PDE11A: variants seen among roughly 807,000 people sequenced by gnomAD.
PDE11A encodes the protein dual 3',5'-cyclic-AMP and -GMP phosphodiesterase 11A.
A neutral mutation model predicts 100.5 loss-of-function variants in PDE11A; 100 were observed. That is an observed-to-expected ratio of 1.00 (90% CI 0.85 to 1.18). PDE11A has a LOEUF of 1.18. Among genes scored for constraint, PDE11A ranks in the 50% most tolerant of loss-of-function variants. The pLI is 0.00. For missense variants in PDE11A, 1,141 were observed against 1,152.6 expected, an observed-to-expected ratio of 0.99 and a Z score of 0.15; for synonymous variants, 381 against 420.8, an observed-to-expected ratio of 0.91 and a Z score of 1.16.
At chr2:177,731,247 A>G (rs1012523140) in intron 10 of PDE11A, among the ~76,000 whole-genome samples, 3 of 152,168 alleles carry the variant, frequency 2.0e-5, no homozygotes, top group African/African-American at 7.2e-5. Flanking sequence ...GAGGCTTTAG[A>G]AATATTAGAG....
chr2:178,011,054 A>G (rs1422126375), intron 2 of PDE11A, among the ~76,000 whole-genome samples: 1 of 152,190 alleles, frequency 6.6e-6, no homozygotes, highest in Non-Finnish European at 1.5e-5. Context: ...TTGCATTTGG[A>G]ACACTCAAAG....
At chr2:177,818,841 G>A (rs1437352517) in intron 7 of PDE11A, among the ~76,000 whole-genome samples, 1 of 151,248 alleles carries the variant, frequency 6.6e-6, no homozygotes, top group Non-Finnish European at 1.5e-5. Flanking sequence ...ACTAGCCTGT[G>A]TCCCCATTTA....
At chr2:178,016,052 C>T (rs2086332143) in intron 1 of PDE11A, among the ~76,000 whole-genome samples, 1 of 152,046 alleles carries the variant, frequency 6.6e-6, no homozygotes, top group African/African-American at 2.4e-5. Context: ...GCAACCTCCA[C>T]CTCCCGGGTT....
At chr2:177,902,728 T>G (rs565278503) in intron 3 of PDE11A, among the ~76,000 whole-genome samples, 2 of 152,306 alleles carry the variant, frequency 1.3e-5, no homozygotes, top group South Asian at 4.1e-4. Context: ...AGCTTTAGAC[T>G]CCTGTATCCA....
chr2:177,963,831 T>C (rs1278715741), intron 2 of PDE11A, among the ~76,000 whole-genome samples: 1 of 152,144 alleles, frequency 6.6e-6, no homozygotes, highest in Non-Finnish European at 1.5e-5. Context: ...TGGAGATGTT[T>C]CCAGTGGCCT....
At chr2:178,035,150 A>G (rs2086596016) in intron 1 of PDE11A, among the ~76,000 whole-genome samples, 1 of 152,196 alleles carries the variant, frequency 6.6e-6, no homozygotes, top group Non-Finnish European at 1.5e-5. Flanking sequence ...AAAGAAGAAA[A>G]GAGAGAAGAA....
intron 2 of PDE11A, among the ~76,000 whole-genome samples, chr2:177,916,206 C>G (rs2084951252): frequency 6.6e-6 from 1 of 152,156 alleles, no homozygotes; most frequent in Non-Finnish European, 1.5e-5. Flanking sequence ...TCCCTCTAAG[C>G]ATTTATTTAT....
At chr2:177,674,038 A>G (rs2080728117) in intron 17 of PDE11A, among the ~76,000 whole-genome samples, 1 of 152,188 alleles carries the variant, frequency 6.6e-6, no homozygotes. Flanking sequence ...AAATGATAAC[A>G]TAGCCTATTC....
intron 12 of PDE11A, among the ~76,000 whole-genome samples, chr2:177,719,310 A>T (rs895872700): frequency 6.6e-6 from 1 of 152,216 alleles, no homozygotes; most frequent in African/African-American, 2.4e-5. Context: ...ACTAAGACAG[A>T]GGGAATCTAA....
intron 2 of PDE11A, among the ~76,000 whole-genome samples, chr2:177,944,979 C>T (rs553123615): frequency 4.0e-5 from 6 of 149,908 alleles, no homozygotes; most frequent in African/African-American, 9.7e-5. Context: ...TGCAGGCACG[C>T]GCCGCCACGC....
chr2:177,645,548 T>C (rs2080211542), intron 19 of PDE11A, among the ~76,000 whole-genome samples: 2 of 152,234 alleles, frequency 1.3e-5, no homozygotes, highest in African/African-American at 4.8e-5. Context: ...CAGTATAGCA[T>C]TGGCTTTTCT....
At chr2:178,006,517 C>T (rs1451155226) in intron 2 of PDE11A, among the ~76,000 whole-genome samples, 1 of 152,120 alleles carries the variant, frequency 6.6e-6, no homozygotes, top group Non-Finnish European at 1.5e-5. Flanking sequence ...GAAAAGACCA[C>T]AGCCATGACA....
chr2:177,855,512 C>T (rs1007108899), intron 5 of PDE11A, among the ~76,000 whole-genome samples: 5 of 152,014 alleles, frequency 3.3e-5, no homozygotes, highest in African/African-American at 1.2e-4. Context: ...TTGCATCTCC[C>T]TCTATCCATC....
chr2:177,740,008 C>T (rs2081849580), intron 10 of PDE11A, among the ~76,000 whole-genome samples: 1 of 152,214 alleles, frequency 6.6e-6, no homozygotes, highest in Non-Finnish European at 1.5e-5. Context: ...CCTGAATACA[C>T]ACACAAGTAC....
chr2:177,845,873 A>G (rs1349590029), intron 5 of PDE11A, among the ~76,000 whole-genome samples: 1 of 152,166 alleles, frequency 6.6e-6, no homozygotes, highest in Non-Finnish European at 1.5e-5. Flanking sequence ...CACCAAAACC[A>G]GTCAGGCGTG....
At chr2:177,707,035 C>G (rs2081291487) in intron 13 of PDE11A, among the ~76,000 whole-genome samples, 2 of 152,132 alleles carry the variant, frequency 1.3e-5, no homozygotes, top group Admixed American at 6.5e-5. Flanking sequence ...TCTGGAAAGG[C>G]AGCCAATAAA....
In PDE11A at chr2:178,094,345, G is replaced by A. The variant is rs1164728247; in HGVS notation, c.162+9957C>T. 5.3e-5 allele frequency among the ~76,000 whole-genome samples: 8 copies of A among 151,928 alleles called. No individual in the cohort carries two copies. In the East Asian group the frequency reaches 7.8e-4, roughly 15 times the overall value. On this transcript the variant is annotated intron_variant, in intron 2 of 20. Coordinates refer to the PDE11A transcript ENST00000358450. ...GGAGTTCAAGACCAGCCTTGGTGACGTGGTGAAACCCCATCTCTACAAAAA... is the reference window on the plus strand; with the variant it reads ...GGAGTTCAAGACCAGCCTTGGTGACATGGTGAAACCCCATCTCTACAAAAA...
At chr2:178,054,575 G>C (rs1294566312) in intron 1 of PDE11A, among the ~76,000 whole-genome samples, 1 of 152,160 alleles carries the variant, frequency 6.6e-6, no homozygotes, top group African/African-American at 2.4e-5. Context: ...TAAAGAATGG[G>C]AGAAAATTTT....
At position 177,692,468 on chromosome 2, in the gene PDE11A, A is replaced by G. The variant is rs547719117; in HGVS notation, c.2345+4864T>C. 2.6e-5 allele frequency among the ~76,000 whole-genome samples: 4 copies of G among 152,224 alleles called. 1 individual carries two copies. In the South Asian group the frequency reaches 8.3e-4, roughly 32 times the overall value. ...TTTTCACTGCCACAAGGATCCTAGG[A>G]GATTAGAATGGGTGATATGCCTATA... On this transcript the variant is annotated intron_variant, in intron 15 of 19. Coordinates refer to ENST00000286063, the MANE Select transcript of PDE11A (RefSeq NM_016953.4).
Sources: allele counts gnomAD v4.1 joint callset (sites outside exome capture counted in the v4.1 genomes callset), GRCh38; gene constraint gnomAD v4.1.1; transcripts MANE v1.5; gene names NCBI Gene and HGNC (gene_info 2026-07-23, HGNC 2026-07-21).